Variants in EPHA6 observed in about 807,000 individuals in gnomAD.
The protein encoded by EPHA6 is ephrin type-A receptor 6.
EPHA6 carries 50 observed loss-of-function variants against 112.0 expected under a neutral mutation model. That is an observed-to-expected ratio of 0.45 (90% CI 0.36 to 0.56). The LOEUF is 0.56. Ranked by LOEUF, EPHA6 falls within the 20% of genes least tolerant of loss-of-function variation. EPHA6 has a pLI of 0.00. For missense variants in EPHA6, 1,280 were observed against 1,417.4 expected, an observed-to-expected ratio of 0.90 and a Z score of 1.56; for synonymous variants, 529 against 490.7, an observed-to-expected ratio of 1.08 and a Z score of -1.03.
intron 2 of EPHA6, among the ~76,000 whole-genome samples, chr3:96,912,262 A>G (rs1054580349): frequency 5.9e-5 from 9 of 152,170 alleles, no homozygotes; most frequent in African/African-American, 1.7e-4. Context: ...TCAGTAGCCA[A>G]CGTAGAAAGT....
intron 3 of EPHA6, among the ~76,000 whole-genome samples, chr3:97,122,813 T>G (rs1052683514): frequency 7.2e-5 from 11 of 152,020 alleles, no homozygotes; most frequent in Non-Finnish European, 1.2e-4. Flanking sequence ...AAATATCAAA[T>G]ATAAACATGT....
intron 3 of EPHA6, among the ~76,000 whole-genome samples, chr3:97,034,704 C>A (rs2108030502): frequency 6.6e-6 from 1 of 151,988 alleles, no homozygotes; most frequent in Non-Finnish European, 1.5e-5. Flanking sequence ...CAGTTGTTTT[C>A]AAATTAGCAT....
intron 10 of EPHA6, among the ~76,000 whole-genome samples, chr3:97,505,958 GTGTT>G (rs572662040): frequency 1.7e-4 from 26 of 152,208 alleles, no homozygotes; most frequent in South Asian, 1.7e-3. Flanking sequence ...TTTTTTTCAT[GTGTT>G]TGTTTGGCCA....
intron 15 of EPHA6, among the ~76,000 whole-genome samples, chr3:97,727,039 C>T (rs1258933096): frequency 1.3e-5 from 2 of 151,940 alleles, no homozygotes; most frequent in African/African-American, 2.4e-5. Flanking sequence ...CACCTTGAAG[C>T]ACTTTGAAGC....
intron 3 of EPHA6, among the ~76,000 whole-genome samples, chr3:97,021,456 C>G (rs980093983): frequency 1.3e-5 from 2 of 152,128 alleles, no homozygotes; most frequent in Non-Finnish European, 2.9e-5. Context: ...TCCTTTAGGG[C>G]CTTTGCATTT....
At chr3:96,960,745 A>G (rs752623423) in intron 2 of EPHA6, among the ~76,000 whole-genome samples, 1 of 152,170 alleles carries the variant, frequency 6.6e-6, no homozygotes, top group Non-Finnish European at 1.5e-5. Context: ...AACTTTATAC[A>G]GGTATTTTTT....
At chr3:96,909,677 A>G (rs993616955) in intron 2 of EPHA6, among the ~76,000 whole-genome samples, 1 of 152,008 alleles carries the variant, frequency 6.6e-6, no homozygotes, top group African/African-American at 2.4e-5. Context: ...AAAATAGTAC[A>G]TCTTATGAGG....
At chr3:97,271,920 G>T (rs1412543635) in intron 5 of EPHA6, among the ~76,000 whole-genome samples, 1 of 152,096 alleles carries the variant, frequency 6.6e-6, no homozygotes, top group African/African-American at 2.4e-5. Context: ...TATCATTTGT[G>T]TGTAGATGGG....
chr3:97,237,038 C>T (rs903228393), intron 4 of EPHA6, among the ~76,000 whole-genome samples: 2 of 151,828 alleles, frequency 1.3e-5, no homozygotes, highest in African/African-American at 2.4e-5. Context: ...CATTTTGGCC[C>T]TCTTGCTTTT....
intron 14 of EPHA6, among the ~76,000 whole-genome samples, chr3:97,686,611 A>G (rs987411977): frequency 6.6e-6 from 1 of 152,170 alleles, no homozygotes; most frequent in African/African-American, 2.4e-5. Flanking sequence ...TGAATTTATT[A>G]ACATCTTCTC....
chr3:97,097,486 T>C (rs1459982635), intron 3 of EPHA6, among the ~76,000 whole-genome samples: 2 of 151,606 alleles, frequency 1.3e-5, no homozygotes, highest in Non-Finnish European at 2.9e-5. Context: ...AAACATATTG[T>C]GAATCTGAAA....
intron 7 of EPHA6, chr3:97,466,487 C>G (rs1263073054): frequency 7.5e-7 from 1 of 1,325,834 alleles, no homozygotes; most frequent in East Asian, 2.3e-5. Flanking sequence ...CCTCAGGTAA[C>G]TGAAAAGTCA....
At chr3:97,096,284 C>CAA (rs1256880676) in intron 3 of EPHA6, among the ~76,000 whole-genome samples, 1 of 151,546 alleles carries the variant, frequency 6.6e-6, no homozygotes, top group African/African-American at 2.4e-5. Context: ...CCCACACACA[C>CAA]ACACACACAT....
rs540193716 is a variant in EPHA6, at chr3:97,704,338, G to A, written c.2785-15923G>A. 1.3e-4 allele frequency among the ~76,000 whole-genome samples: 20 copies of A among 152,292 alleles called. No individual in the cohort carries two copies. The South Asian group carries it at 4.1e-3, about 32-fold the overall frequency. On this transcript the variant is annotated intron_variant, in intron 14 of 17. Coordinates refer to ENST00000389672, the MANE Select transcript of EPHA6 (RefSeq NM_001080448.3). ...ATGGGTGGGTATCACCCAATCCATT[G>A]AGACCTTGGATAGAACAAAAAGGCA...
intron 2 of EPHA6, among the ~76,000 whole-genome samples, chr3:96,954,821 C>T (rs1476251116): frequency 1.9e-5 from 2 of 107,708 alleles, no homozygotes; most frequent in Non-Finnish European, 3.4e-5. Context: ...GAGTCTCGCT[C>T]TGTCGCCCAG....
intron 3 of EPHA6, among the ~76,000 whole-genome samples, chr3:97,022,602 C>CT (rs1203204949): frequency 2.0e-5 from 3 of 152,148 alleles, no homozygotes; most frequent in Non-Finnish European, 4.4e-5. Flanking sequence ...TAAATATCTT[C>CT]TTACTTGACT....
At chr3:97,199,116 TCTC>T (rs1647294344) in intron 3 of EPHA6, among the ~76,000 whole-genome samples, 2 of 152,154 alleles carry the variant, frequency 1.3e-5, no homozygotes, top group African/African-American at 4.8e-5. Context: ...GACGGAGACT[TCTC>T]CTAGCTTCTT....
chr3:97,686,340 C>T (rs2032247549), intron 14 of EPHA6, among the ~76,000 whole-genome samples: 2 of 152,146 alleles, frequency 1.3e-5, no homozygotes, highest in Admixed American at 6.6e-5. Flanking sequence ...TCCCATACTT[C>T]TTCCCATCTT....
chr3:97,760,991 A>G lies in EPHA6; in HGVS notation c.*12290A>G. ...ATGTTTTTCTCTTTAGTATTCTGTCACCATTTAAAGCTTCAATATATGCCT... is the reference window on the plus strand; with the variant it reads ...ATGTTTTTCTCTTTAGTATTCTGTCGCCATTTAAAGCTTCAATATATGCCT... On this transcript the variant is annotated 3_prime_UTR_variant, in exon 18 of 18. Coordinates refer to ENST00000389672, the MANE Select transcript of EPHA6 (RefSeq NM_001080448.3). 4.9e-6 allele frequency: 1 copy of G among 206,088 alleles called. No homozygotes were observed. The allele number at this position is 206,088 out of a possible 1,614,324, so 12.8% of individuals were successfully genotyped here. A position where few individuals can be genotyped will look rare whatever the true frequency, so the allele number is the denominator to read the frequency against.
Sources: allele counts gnomAD v4.1 joint callset (sites outside exome capture counted in the v4.1 genomes callset), GRCh38; gene constraint gnomAD v4.1.1; transcripts MANE v1.5; gene names NCBI Gene and HGNC (gene_info 2026-07-23, HGNC 2026-07-21).